DCC: variants seen among roughly 807,000 people sequenced by gnomAD.
DCC encodes the protein DCC netrin 1 receptor.
A neutral mutation model predicts 172.5 loss-of-function variants in DCC; 58 were observed. The ratio of observed to expected loss-of-function variants is 0.34; its 90% CI spans 0.27 to 0.42. The LOEUF (loss-of-function observed/expected upper bound fraction) is 0.42. Among genes scored for constraint, DCC ranks in the 10% least tolerant of loss-of-function variants. The pLI, the probability that DCC is intolerant of heterozygous loss-of-function variation, is 1.00. For missense variants in DCC, 1,740 were observed against 1,791.0 expected (o/e 0.97, Z 0.51); for synonymous variants, 709 against 644.5 (o/e 1.10, Z -1.52).
chr18:53,456,091 G>C (rs1289626086), intron 23 of DCC, among the ~76,000 whole-genome samples: 5 of 152,222 alleles, frequency 3.3e-5, no homozygotes, highest in Non-Finnish European at 7.3e-5. Context: ...TCAATGCCAA[G>C]GTGAGTGGTA....
At chr18:53,309,094 G>A (rs1436455496) in intron 13 of DCC, among the ~76,000 whole-genome samples, 3 of 151,918 alleles carry the variant, frequency 2.0e-5, no homozygotes, top group African/African-American at 4.8e-5. Flanking sequence ...CTGGAGTACC[G>A]TGGCATGATC....
chr18:52,809,324 T>A (rs2038149384), intron 2 of DCC: 1 of 157,462 alleles, frequency 6.4e-6, no homozygotes, highest in Non-Finnish European at 1.4e-5. Flanking sequence ...GCTCCCAAGA[T>A]GGCGGCAGGC....
intron 5 of DCC, among the ~76,000 whole-genome samples, chr18:52,966,566 A>G (rs970493974): frequency 2.0e-5 from 3 of 152,132 alleles, no homozygotes; most frequent in Non-Finnish European, 4.4e-5. Context: ...AGGCACCAAC[A>G]GGAGAAAATA....
chr18:53,334,074 G>GTTAACTACACAT (rs1422881267), intron 14 of DCC, among the ~76,000 whole-genome samples: 2 of 152,144 alleles, frequency 1.3e-5, no homozygotes, highest in African/African-American at 2.4e-5. Context: ...CTATAGCTCT[G>GTTAACTACACAT]TTAACTACAC....
chr18:52,602,881 C>G (rs2034047815), intron 1 of DCC, among the ~76,000 whole-genome samples: 1 of 152,052 alleles, frequency 6.6e-6, no homozygotes, highest in Non-Finnish European at 1.5e-5. Flanking sequence ...GTTATTGTCA[C>G]ACTTAACCTG....
At chr18:52,848,604 T>C (rs962686419) in intron 2 of DCC, among the ~76,000 whole-genome samples, 1 of 152,214 alleles carries the variant, frequency 6.6e-6, no homozygotes, top group Non-Finnish European at 1.5e-5. Flanking sequence ...CTTTGGAGTT[T>C]CGCATGTTTA....
chr18:52,992,589 G>C (rs1402754725), intron 5 of DCC, among the ~76,000 whole-genome samples: 1 of 152,138 alleles, frequency 6.6e-6, no homozygotes, highest in Non-Finnish European at 1.5e-5. Flanking sequence ...TTAAGCCACT[G>C]ATTCTTAATA....
intron 2 of DCC, among the ~76,000 whole-genome samples, chr18:52,776,048 C>T (rs1424891259): frequency 1.3e-5 from 2 of 152,168 alleles, no homozygotes; most frequent in Admixed American, 6.5e-5. Context: ...GACTTTCTCC[C>T]CAATCAACAG....
At chr18:52,784,294 A>T (rs2037610792) in intron 2 of DCC, among the ~76,000 whole-genome samples, 2 of 151,996 alleles carry the variant, frequency 1.3e-5, no homozygotes, top group African/African-American at 4.8e-5. Context: ...GTATTTTTAT[A>T]CCACATTTTC....
intron 12 of DCC, among the ~76,000 whole-genome samples, chr18:53,220,250 T>G (rs567804207): frequency 1.3e-5 from 2 of 152,246 alleles, no homozygotes; most frequent in Non-Finnish European, 2.9e-5. Flanking sequence ...TTCTCTTGGT[T>G]ATTCAGAAGG....
chr18:52,510,426 A>C (rs968422150), intron 1 of DCC, among the ~76,000 whole-genome samples: 11 of 152,174 alleles, frequency 7.2e-5, no homozygotes, highest in Non-Finnish European at 1.6e-4. Flanking sequence ...TGGATTCCCC[A>C]TGACACTGCT....
Position 53,508,416 on chromosome 18 carries a change from C to T in DCC, c.4111+8906C>T, listed in dbSNP as rs193095766. On this transcript the variant is annotated intron_variant, in intron 27 of 28. Coordinates refer to ENST00000442544, the MANE Select transcript of DCC (RefSeq NM_005215.4). ...TTATGTTGTCCAGGCTAGTCTCAAA[C>T]TCCTGGGCTCAAGTGATTTACCCAC... 8.6e-5 allele frequency among the ~76,000 whole-genome samples: 13 copies of T among 151,140 alleles called. No homozygotes were observed. The East Asian group carries it at 2.6e-3, about 30-fold the overall frequency.
chr18:52,737,080 A>T (rs2036741378), intron 1 of DCC, among the ~76,000 whole-genome samples: 1 of 152,204 alleles, frequency 6.6e-6, no homozygotes, highest in Non-Finnish European at 1.5e-5. Context: ...TTTATTATTT[A>T]GATAAATTTT....
chr18:52,987,311 A>G (rs933168607), intron 5 of DCC, among the ~76,000 whole-genome samples: 6 of 152,150 alleles, frequency 3.9e-5, no homozygotes, highest in African/African-American at 1.4e-4. Flanking sequence ...ACAAACAAAC[A>G]AACAAAAAAC....
chr18:53,022,975 A>T (rs949699252), intron 5 of DCC, among the ~76,000 whole-genome samples: 3 of 152,132 alleles, frequency 2.0e-5, no homozygotes, highest in African/African-American at 7.2e-5. Flanking sequence ...AGGGAGTATT[A>T]ATACCACACA....
At chr18:53,391,555 C>A (rs1402588398) in intron 16 of DCC, 100 bp from the exon 17 acceptor site, 9 of 774,158 alleles carry the variant, frequency 1.2e-5, no homozygotes, top group Non-Finnish European at 1.9e-5. Flanking sequence ...TATTGCCATG[C>A]ATTTAACTCA....
chr18:53,222,603 G>T lies in DCC; in HGVS notation c.1911+7006G>T, dbSNP rs112593607. ...GGGTTTCACCATATTGTCCAGGCTGGTCTTGAATTCCTGACCTCGTGATCT... is the reference window on the plus strand; with the variant it reads ...GGGTTTCACCATATTGTCCAGGCTGTTCTTGAATTCCTGACCTCGTGATCT... On this transcript the variant is annotated intron_variant, in intron 12 of 28. Coordinates refer to ENST00000442544, the MANE Select transcript of DCC (RefSeq NM_005215.4). Among the ~76,000 whole-genome samples, 3 of 151,772 alleles carry T rather than the reference G, an allele frequency of 2.0e-5. 1 individual carries two copies. The highest frequency in any genetic ancestry group is 7.2e-5 in the African/African-American group (3 of 41,430).
intron 22 of DCC, among the ~76,000 whole-genome samples, chr18:53,441,690 T>C (rs561264100): frequency 6.6e-6 from 1 of 152,320 alleles, no homozygotes; most frequent in African/African-American, 2.4e-5. Flanking sequence ...TAATTGCCAC[T>C]GTCTCAGGTC....
chr18:52,721,403 C>A (rs900777525), intron 1 of DCC, among the ~76,000 whole-genome samples: 1 of 152,152 alleles, frequency 6.6e-6, no homozygotes, highest in Non-Finnish European at 1.5e-5. Flanking sequence ...CTGTGCCTAA[C>A]AGGACAGTGA....
Sources: allele counts gnomAD v4.1 joint callset (sites outside exome capture counted in the v4.1 genomes callset), GRCh38; gene constraint gnomAD v4.1.1; transcripts MANE v1.5; gene names NCBI Gene and HGNC (gene_info 2026-07-23, HGNC 2026-07-21).